The following WWOX variants were observed in gnomAD, a reference collection of about 807,000 sequenced individuals.
WWOX encodes WW domain-containing oxidoreductase.
A neutral mutation model predicts 46.2 loss-of-function variants in WWOX; 69 were observed. That is an observed-to-expected ratio of 1.49 (90% CI 1.23 to 1.82). WWOX has a LOEUF of 1.82. WWOX is among the 40% of genes most tolerant of loss of function. WWOX has a pLI of 0.00. For synonymous variants in WWOX, 359 were observed against 202.6 expected (o/e 1.77, Z -6.56); for missense variants, 919 against 542.6 (o/e 1.69, Z -6.89).
intron 8 of WWOX, among the ~76,000 whole-genome samples, chr16:78,468,423 C>T (rs1042611907): frequency 6.6e-6 from 1 of 152,104 alleles, no homozygotes. Flanking sequence ...CACAGAGGAA[C>T]ACCACCTATC....
intron 8 of WWOX, among the ~76,000 whole-genome samples, chr16:79,150,787 G>T (rs544912993): frequency 3.3e-5 from 5 of 152,244 alleles, no homozygotes; most frequent in Admixed American, 3.3e-4. Flanking sequence ...GACTACAGGC[G>T]TGTGTCACTG....
chr16:79,119,792 C>T (rs1223525420), intron 8 of WWOX, among the ~76,000 whole-genome samples: 2 of 152,148 alleles, frequency 1.3e-5, no homozygotes, highest in Middle Eastern at 3.2e-3. Context: ...ACCCTATTAA[C>T]CTCATAGGGA....
In WWOX at chr16:78,825,978, C is replaced by T. The variant is rs562422755; in HGVS notation, c.1057-385630C>T. 1.8e-5 allele frequency: 14 copies of T among 768,482 alleles called. No homozygotes were observed. The East Asian group carries it at 3.2e-4, about 18-fold the overall frequency. The allele number at this position is 768,482 out of a possible 1,614,324, so 47.6% of individuals were successfully genotyped here. A position where few individuals can be genotyped will look rare whatever the true frequency, so the allele number is the denominator to read the frequency against. ...AAGGGTGGGAAGCCAGAGCCGCCTGCTATGCCCCAGCCAGTCCCCATAGCA... is the reference window on the plus strand; with the variant it reads ...AAGGGTGGGAAGCCAGAGCCGCCTGTTATGCCCCAGCCAGTCCCCATAGCA... On this transcript the variant is annotated intron_variant, in intron 8 of 8. Transcript: ENST00000566780.
chr16:79,032,748 G>C (rs746779288), intron 8 of WWOX, among the ~76,000 whole-genome samples: 2 of 150,944 alleles, frequency 1.3e-5, no homozygotes, highest in African/African-American at 2.4e-5. Flanking sequence ...CTAGTACCAG[G>C]GTTCTTCTTT....
chr16:78,963,705 C>T (rs2046314611), intron 8 of WWOX, among the ~76,000 whole-genome samples: 1 of 152,166 alleles, frequency 6.6e-6, no homozygotes, highest in Non-Finnish European at 1.5e-5. Context: ...TTGCACTATG[C>T]ACTTAACACA....
intron 5 of WWOX, among the ~76,000 whole-genome samples, chr16:78,344,060 G>A (rs1185611000): frequency 8.5e-6 from 1 of 117,808 alleles, no homozygotes; most frequent in Non-Finnish European, 2.0e-5. Context: ...ATCAAGAAAT[G>A]TTCCAGAATG....
At chr16:79,024,626 G>T (rs1298146488) in intron 8 of WWOX, among the ~76,000 whole-genome samples, 2 of 151,964 alleles carry the variant, frequency 1.3e-5, no homozygotes, top group African/African-American at 2.4e-5. Flanking sequence ...TAGTAGAGAC[G>T]GGGTTTCACC....
chr16:78,422,814 TATATACACACAC>T, intron 6 of WWOX, among the ~76,000 whole-genome samples: 1 of 127,268 alleles, frequency 7.9e-6, no homozygotes, highest in African/African-American at 3.7e-5. Flanking sequence ...CACACACATA[TATATACACACAC>T]ATATATATAT....
intron 8 of WWOX, among the ~76,000 whole-genome samples, chr16:79,142,640 C>G (rs2050111811): frequency 6.6e-6 from 1 of 152,166 alleles, no homozygotes; most frequent in Admixed American, 6.5e-5. Flanking sequence ...GTCAGTATAT[C>G]TCAAAACATT....
intron 8 of WWOX, among the ~76,000 whole-genome samples, chr16:78,674,727 G>C (rs1487537668): frequency 6.6e-6 from 1 of 151,988 alleles, no homozygotes; most frequent in Non-Finnish European, 1.5e-5. Context: ...AACAAATGGA[G>C]AATCTTTCAC....
rs572786071 is a variant in WWOX at position 79,160,981 on chromosome 16, C to G, written c.1057-50627C>G. Among the ~76,000 whole-genome samples, 4 of 152,196 alleles carry G rather than the reference C, an allele frequency of 2.6e-5. No homozygotes were observed. The South Asian group carries it at 8.3e-4, about 32-fold the overall frequency. On this transcript the variant is annotated intron_variant, in intron 8 of 8. Coordinates refer to ENST00000566780, the MANE Select transcript of WWOX (RefSeq NM_016373.4). ...TATAATGTAGCACGTTTCCTGGCAC[C>G]TTGTTTGGTTCAATAATGTTGCTGG...
intron 8 of WWOX, among the ~76,000 whole-genome samples, chr16:78,668,828 G>A (rs962900599): frequency 4.6e-5 from 7 of 152,262 alleles, no homozygotes; most frequent in East Asian, 1.9e-4. Flanking sequence ...CCTTCAGAGC[G>A]TGTCTGAGTC....
intron 8 of WWOX, among the ~76,000 whole-genome samples, chr16:79,184,767 C>A (rs61007640): frequency 6.6e-6 from 1 of 152,170 alleles, no homozygotes; most frequent in African/African-American, 2.4e-5. Flanking sequence ...AGAGGAGGCA[C>A]CAATGGCAAT....
rs1403776566 is a variant in WWOX, at chr16:78,488,089, G to T, written c.1056+55337G>T. The stretch of plus-strand genomic sequence containing the variant: ...GGTTCCAGCCTATTTTCTGAGCTGT[G>T]GAGCAGGGAGGGATCTCACAGGAAA... On this transcript the variant is annotated intron_variant, in intron 8 of 8. Coordinates refer to ENST00000566780, the MANE Select transcript of WWOX (RefSeq NM_016373.4). 2.6e-5 allele frequency among the ~76,000 whole-genome samples: 4 copies of T among 152,284 alleles called. 1 individual carries two copies. Among genetic ancestry groups the T allele is most frequent in the African/African-American group, 9.6e-5 (4 of 41,568 alleles).
intron 8 of WWOX, among the ~76,000 whole-genome samples, chr16:78,475,328 C>A (rs1429730827): frequency 6.6e-6 from 1 of 152,150 alleles, no homozygotes; most frequent in Non-Finnish European, 1.5e-5. Flanking sequence ...CCTTGTTCAC[C>A]CAGATTGGCT....
At chr16:78,516,139 G>T (rs57991969) in intron 8 of WWOX, among the ~76,000 whole-genome samples, 3 of 152,068 alleles carry the variant, frequency 2.0e-5, no homozygotes, top group Admixed American at 6.5e-5. Context: ...CTTTCTTTCC[G>T]CAGTGCCCAG....
intron 6 of WWOX, among the ~76,000 whole-genome samples, chr16:78,422,844 T>TACACACACACACAC (rs370327902): frequency 2.9e-5 from 3 of 105,118 alleles, no homozygotes; most frequent in African/African-American, 1.5e-4. Flanking sequence ...TATATACATA[T>TACACACACACACAC]ACACACACAC....
intron 8 of WWOX, among the ~76,000 whole-genome samples, chr16:79,030,692 G>A (rs747985876): frequency 1.3e-5 from 2 of 152,098 alleles, no homozygotes; most frequent in South Asian, 2.1e-4. Context: ...TGGGCTCACC[G>A]CTGCTTGTAC....
intron 5 of WWOX, among the ~76,000 whole-genome samples, chr16:78,170,044 C>T (rs2035104222): frequency 6.6e-6 from 1 of 152,138 alleles, no homozygotes; most frequent in Non-Finnish European, 1.5e-5. Context: ...CTTAGAGTTA[C>T]TATTTGACTC....
Sources: allele counts gnomAD v4.1 joint callset (sites outside exome capture counted in the v4.1 genomes callset), GRCh38; gene constraint gnomAD v4.1.1; transcripts MANE v1.5; gene names NCBI Gene and HGNC (gene_info 2026-07-23, HGNC 2026-07-21).